Variants in PAX3 observed in about 807,000 individuals in gnomAD.
PAX3 encodes the protein paired box protein Pax-3.
PAX3 carries 14 observed loss-of-function variants against 51.6 expected under a neutral mutation model. The ratio of observed to expected loss-of-function variants is 0.27; its 90% confidence interval spans 0.18 to 0.42. PAX3 has a LOEUF of 0.42. Among genes scored for constraint, PAX3 ranks in the 10% least tolerant of loss-of-function variants. The pLI is 1.00. For missense variants in PAX3, 540 were observed against 642.8 expected, an observed-to-expected ratio of 0.84 and a Z score of 1.73; for synonymous variants, 280 against 253.4, an observed-to-expected ratio of 1.11 and a Z score of -1.00.
At chr2:222,286,903 G>C (rs538703198) in intron 4 of PAX3, among the ~76,000 whole-genome samples, 2 of 152,316 alleles carry the variant, frequency 1.3e-5, no homozygotes, top group African/African-American at 4.8e-5. Flanking sequence ...TTTGACAATG[G>C]TGAACTTTCT....
chr2:222,212,476 G>T (rs1388808174), intron 7 of PAX3, among the ~76,000 whole-genome samples: 3 of 152,092 alleles, frequency 2.0e-5, no homozygotes, highest in Non-Finnish European at 2.9e-5. Flanking sequence ...ATCAGCAGAG[G>T]TGCAATCGCT....
At chr2:222,238,075 T>G (rs1692866462) in intron 4 of PAX3, among the ~76,000 whole-genome samples, 1 of 152,120 alleles carries the variant, frequency 6.6e-6, no homozygotes, top group South Asian at 2.1e-4. Flanking sequence ...ACTCCCAAGA[T>G]TACACTTGGG....
intron 4 of PAX3, among the ~76,000 whole-genome samples, chr2:222,237,199 G>T (rs992101907): frequency 6.6e-6 from 1 of 152,046 alleles, no homozygotes; most frequent in Admixed American, 6.6e-5. Context: ...GACTCCAAGA[G>T]GTTGTTCAGT....
intron 7 of PAX3, among the ~76,000 whole-genome samples, chr2:222,206,586 C>T (rs1263047835): frequency 5.3e-5 from 8 of 152,150 alleles, no homozygotes; most frequent in Admixed American, 5.2e-4. Flanking sequence ...TCTCTTTAAA[C>T]TCATTCTCAA....
At chr2:222,239,197 C>T (rs1039144922) in intron 4 of PAX3, among the ~76,000 whole-genome samples, 1 of 152,124 alleles carries the variant, frequency 6.6e-6, no homozygotes, top group Non-Finnish European at 1.5e-5. Flanking sequence ...CCTATTCTAC[C>T]GATTTCCACG....
chr2:222,248,295 T>A (rs1693299917), intron 4 of PAX3, among the ~76,000 whole-genome samples: 1 of 152,186 alleles, frequency 6.6e-6, no homozygotes, highest in South Asian at 2.1e-4. Context: ...TTCCCAGAAT[T>A]TCATGTGCTT....
chr2:222,260,591 G>GTTTTTTTTTTTTTT (rs374339768), intron 4 of PAX3, among the ~76,000 whole-genome samples: 12 of 63,084 alleles, frequency 1.9e-4, no homozygotes, highest in African/African-American at 6.7e-4. Context: ...TTTTTTTTTT[G>GTTTTTTTTTTTTTT]TTTTTTTTTT....
chr2:222,274,593 A>T (rs1388024901), intron 4 of PAX3, among the ~76,000 whole-genome samples: 1 of 151,920 alleles, frequency 6.6e-6, no homozygotes, highest in Non-Finnish European at 1.5e-5. Context: ...AATATCCAAG[A>T]TGTCTCAATA....
intron 2 of PAX3, 28 bp from the exon 3 acceptor site, chr2:222,295,685 G>T: frequency 6.2e-7 from 1 of 1,613,522 alleles, no homozygotes; most frequent in South Asian, 1.1e-5. Context: ...GGCAGGCGTT[G>T]GTACCCGGTA....
intron 4 of PAX3, among the ~76,000 whole-genome samples, chr2:222,288,695 T>C (rs772178356): frequency 3.3e-5 from 5 of 152,316 alleles, no homozygotes; most frequent in African/African-American, 1.2e-4. Flanking sequence ...AAATTCACCA[T>C]CATAGCCTCA....
Position 222,202,125 on chromosome 2 carries a change from G to A in PAX3, c.1239C>T (p.Ser413=), listed in dbSNP as rs774685466. 2.5e-6 allele frequency: 4 copies of A among 1,613,168 alleles called. No individual in the cohort carries two copies. The highest frequency in any genetic ancestry group is 3.4e-6 in the Non-Finnish European group (4 of 1,179,690). Residue 413 remains serine (S), a synonymous_variant, in exon 8 of 9, where the codon TCC becomes TCT. Transcript: ENST00000392070. ...TAGGTTCCAGACCCCCGGTGAGAGG[G>A]GAGAGCGCGTAATCAGTCTGGGGCT... The part of the protein sequence containing the change: ...PHQPQTDYAL[S]PLTGGLEPTT...
intron 4 of PAX3, among the ~76,000 whole-genome samples, chr2:222,270,121 T>C (rs1694198868): frequency 6.6e-6 from 1 of 152,158 alleles, no homozygotes; most frequent in Admixed American, 6.5e-5. Flanking sequence ...CAAGGTAAAA[T>C]ACAGCTCAAA....
chr2:222,281,805 T>C (rs1207910784), intron 4 of PAX3, among the ~76,000 whole-genome samples: 1 of 152,220 alleles, frequency 6.6e-6, no homozygotes, highest in Non-Finnish European at 1.5e-5. Context: ...TAGCTCTTTG[T>C]AGACACTCTT....
intron 3 of PAX3, 21 bp from the exon 4 acceptor site, chr2:222,294,322 G>C: frequency 6.2e-7 from 1 of 1,613,906 alleles, no homozygotes. Context: ...GAGGAGGAAG[G>C]AAGCAAGGGA....
At chr2:222,265,710 T>A (rs975137105) in intron 4 of PAX3, among the ~76,000 whole-genome samples, 21 of 100,570 alleles carry the variant, frequency 2.1e-4, no homozygotes, top group South Asian at 7.9e-4. Flanking sequence ...TTGATTTTGA[T>A]TTTTCCTCTA....
At position 222,221,216 on chromosome 2, in the gene PAX3, CG is replaced by C; in HGVS notation, c.958+5del. The C allele has an allele frequency of 1.2e-6, 2 of 1,613,752 alleles. No homozygotes were observed. Among genetic ancestry groups the C allele is most frequent in the Non-Finnish European group, 1.7e-6 (2 of 1,179,756 alleles). On this transcript the variant is annotated splice_donor_5th_base_variant and intron_variant, in intron 6 of 8. Transcript: ENST00000392070. ...CTTTCTAATCTCCTTGACTCTTCCT[CG>C]GTACCTTGTGGAATAGATGTGGGCT...
At chr2:222,214,347 T>A (rs548582371) in intron 7 of PAX3, 6 of 152,306 alleles carry the variant, frequency 3.9e-5, no homozygotes, top group South Asian at 4.2e-4. Flanking sequence ...AGAAGCTTCC[T>A]AATAGGCGTA....
chr2:222,243,871 A>G (rs1253732050), intron 4 of PAX3, among the ~76,000 whole-genome samples: 1 of 152,196 alleles, frequency 6.6e-6, no homozygotes, highest in Non-Finnish European at 1.5e-5. Flanking sequence ...CCTGGAGGCA[A>G]CAGAGAAGGC....
intron 4 of PAX3, among the ~76,000 whole-genome samples, chr2:222,251,029 C>G (rs1693409808): frequency 6.6e-6 from 1 of 152,204 alleles, no homozygotes; most frequent in South Asian, 2.1e-4. Context: ...GAGGTAACCA[C>G]TTTGTGGTCA....
Sources: allele counts gnomAD v4.1 joint callset (sites outside exome capture counted in the v4.1 genomes callset), GRCh38; gene constraint gnomAD v4.1.1; transcripts MANE v1.5; gene names NCBI Gene and HGNC (gene_info 2026-07-23, HGNC 2026-07-21).